Variants in KLC2 observed in about 807,000 individuals in gnomAD.
KLC2 encodes the protein kinesin light chain 2, also known as KLC 2.
Under a neutral mutation model 75.1 loss-of-function variants are expected in KLC2, and 35 were observed. The ratio of observed to expected loss-of-function variants is 0.47; its 90% confidence interval spans 0.36 to 0.62. KLC2 has a LOEUF of 0.62. Ranked by LOEUF, KLC2 falls within the 20% of genes least tolerant of loss-of-function variation. The probability of loss-of-function intolerance (pLI) is 0.00; values close to 1 mark genes in which losing one functional copy is unlikely to be tolerated. For missense variants in KLC2, 611 were observed against 833.2 expected (o/e 0.73, Z 3.28); for synonymous variants, 314 against 336.7 (o/e 0.93, Z 0.74).
upstream of KLC2, among the ~76,000 whole-genome samples, chr11:66,252,925 C>T (rs1174252386): frequency 2.0e-5 from 3 of 152,000 alleles, no homozygotes; most frequent in Non-Finnish European, 1.5e-5. Context: ...GACAAGGGCC[C>T]CTCAGGAAGC....
chr11:66,265,128 G>A, intron 10 of KLC2, 40 bp from the exon 11 acceptor site: 1 of 1,610,576 alleles, frequency 6.2e-7, no homozygotes, highest in Non-Finnish European at 8.5e-7. Context: ...TGTGCAGAGG[G>A]GGGCCTGCTC....
chr11:66,251,854 G>A, the KLC2 span, among the ~76,000 whole-genome samples: 1 of 152,356 alleles, frequency 6.6e-6, no homozygotes, highest in African/African-American at 2.4e-5. Context: ...GATTTGGACA[G>A]GACTTAGTGC....
At chr11:66,254,561 A>C (rs1352365501), upstream of KLC2, among the ~76,000 whole-genome samples, 1 of 150,460 alleles carries the variant, frequency 6.6e-6, no homozygotes, top group African/African-American at 2.4e-5. Context: ...GCTACTCAAG[A>C]GGCTGAGGCG....
chr11:66,264,884 G>T (rs944570862), intron 9 of KLC2, 139 bp from the exon 10 acceptor site: 2 of 719,830 alleles, frequency 2.8e-6, no homozygotes, highest in Non-Finnish European at 4.8e-6. Context: ...AGGGTCAGCA[G>T]TGTTTTGGGT....
chr11:66,255,272 CCT>C (rs1855995028), upstream of KLC2, among the ~76,000 whole-genome samples: 1 of 152,222 alleles, frequency 6.6e-6, no homozygotes, highest in African/African-American at 2.4e-5. Context: ...CTCACTGCAA[CCT>C]CCACCTCCTG....
rs1261523769 is a variant in KLC2 at position 66,266,901 on chromosome 11, G to A, written c.1814G>A (p.Arg605His). The A allele has an allele frequency of 3.7e-6, 6 of 1,613,354 alleles. No individual in the cohort carries two copies. Among genetic ancestry groups the A allele is most frequent in the African/African-American group, 1.3e-5 (1 of 75,016 alleles). The change falls in exon 16 of 16, where the codon CGC (arginine) becomes CAC (histidine). Residue 605 changes from arginine to histidine, a missense_variant. Coordinates refer to ENST00000394067, the MANE Select transcript of KLC2 (RefSeq NM_001318734.2). ...QPGGTGLSDS[R>H]TLSSSSMDLS... Reference sequence around the variant, plus strand: ...GGAGGCACAGGTCTCTCTGACAGCCGCACTCTCAGCTCCAGCTCCATGGAC... The same window carrying A: ...GGAGGCACAGGTCTCTCTGACAGCCACACTCTCAGCTCCAGCTCCATGGAC...
At chr11:66,245,694 G>T in the KLC2 span, among the ~76,000 whole-genome samples, 1 of 149,206 alleles carries the variant, frequency 6.7e-6, no homozygotes, top group African/African-American at 2.5e-5. Flanking sequence ...CCAGCCTGGC[G>T]ACACAGCGAG....
Position 66,261,750 on chromosome 11 carries a change from G to A in KLC2, c.237G>A (p.Leu79=). 6.2e-7 allele frequency: 1 copy of A among 1,610,260 alleles called. No individual in the cohort carries two copies. The highest frequency in any genetic ancestry group is 8.5e-7 in the Non-Finnish European group (1 of 1,178,348). The part of the protein sequence containing the change: ...ELGLGEAQVI[L]ALSSHLGAVE... ...CTGGGCTGGTTGCACAGGTGATCTT[G>A]GCATTGTCGAGCCACCTGGGGGCTG... The change falls in exon 3 of 16, where the codon TTG becomes TTA. Residue 79 remains leucine, a synonymous_variant. Transcript: ENST00000394067.
intron 1 of KLC2, 111 bp from the exon 2 acceptor site, chr11:66,258,473 G>A: frequency 1.4e-6 from 1 of 701,046 alleles, no homozygotes; most frequent in Non-Finnish European, 2.4e-6. Context: ...TGGGGGACCT[G>A]GGCACACGGG....
Position 66,263,678 on chromosome 11 carries a change from G to T in KLC2, c.771G>T (p.Lys257Asn), listed in dbSNP as rs777576861. The change falls in exon 6 of 16, where the codon AAG becomes AAT. Residue 257 changes from lysine to asparagine, a missense_variant. By Grantham distance (94) the Lys-to-Asn change is moderately conservative. Transcript: ENST00000394067. ...ALVYRDQNKY[K>N]EAAHLLNDAL... The stretch of plus-strand genomic sequence containing the variant: ...CTCCCAGGGATCAGAACAAGTACAA[G>T]GAGGCTGCCCACCTGCTCAATGATG... The T allele has an allele frequency of 1.2e-6, 2 of 1,613,860 alleles. No homozygotes were observed. The highest frequency in any genetic ancestry group is 3.3e-5 in the Admixed American group (2 of 60,020).
intron 2 of KLC2, 86 bp downstream of exon 2, chr11:66,258,908 G>C: frequency 1.1e-6 from 1 of 908,062 alleles, no homozygotes; most frequent in Non-Finnish European, 1.7e-6. Context: ...AGAAGAATCT[G>C]AGCAGGGAAC....
chr11:66,267,203 G>A lies in KLC2; in HGVS notation c.*247G>A. 6.5e-7 allele frequency: 1 copy of A among 1,549,100 alleles called. No homozygotes were observed. Among genetic ancestry groups the A allele is most frequent in the African/African-American group, 1.4e-5 (1 of 73,106 alleles). ...CTCTTCCCTAGGTTCGGGCCAGCAG[G>A]AGGTGCCGGCTGGAGTCTCCACCAT... On this transcript the variant is annotated 3_prime_UTR_variant, in exon 16 of 16. Coordinates refer to ENST00000394067, the MANE Select transcript of KLC2 (RefSeq NM_001318734.2).
In KLC2 at chr11:66,261,878, G is replaced by A. The variant is rs571985017; in HGVS notation, c.365G>A (p.Arg122His). Residue 122 changes from arginine to histidine, a missense_variant, in exon 3 of 16, where the codon CGC (arginine) becomes CAC (histidine). Coordinates refer to ENST00000394067, the MANE Select transcript of KLC2 (RefSeq NM_001318734.2). ...ELAGTQQKLQ[R>H]SEQAVAQLEE... is the part of the protein sequence containing the mutation. ...GCGGGGACACAGCAGAAGCTGCAGCGCAGTGAGCAGGCCGTGGCCCAGCTC... is the reference window on the plus strand; with the variant it reads ...GCGGGGACACAGCAGAAGCTGCAGCACAGTGAGCAGGCCGTGGCCCAGCTC... 1.5e-5 allele frequency: 24 copies of A among 1,614,158 alleles called. No homozygotes were observed. In the Admixed American group the frequency reaches 2.7e-4, roughly 18 times the overall value.
the KLC2 span, among the ~76,000 whole-genome samples, chr11:66,245,927 G>A: frequency 3.9e-5 from 6 of 152,194 alleles, no homozygotes; most frequent in South Asian, 2.1e-4. Context: ...GAGAGGCAGC[G>A]CTTGGCATCC....
chr11:66,266,385 C>T, intron 14 of KLC2, 48 bp from the exon 15 acceptor site: 1 of 1,493,422 alleles, frequency 6.7e-7, no homozygotes, highest in African/African-American at 1.4e-5. Flanking sequence ...GCCCCCATCT[C>T]CCGTGAGTTC....
chr11:66,261,495 G>C (rs534085302), intron 2 of KLC2: 1 of 482,594 alleles, frequency 2.1e-6, no homozygotes, highest in South Asian at 3.4e-5. Context: ...AGCCCTTTTG[G>C]GGTTCTCCTG....
upstream of KLC2, among the ~76,000 whole-genome samples, chr11:66,252,573 ATT>A (rs1855973397): frequency 6.6e-6 from 1 of 152,152 alleles, no homozygotes; most frequent in Non-Finnish European, 1.5e-5. Flanking sequence ...CCTTTATGCC[ATT>A]TTATTGCATT....
At position 66,265,086 on chromosome 11, in the gene KLC2, G is replaced by A. The variant is rs764352601; in HGVS notation, c.1266+14G>A. 30 of 1,609,760 alleles carry A rather than the reference G, an allele frequency of 1.9e-5. No individual in the cohort carries two copies. Among genetic ancestry groups the A allele is most frequent in the Non-Finnish European group, 2.4e-5 (28 of 1,176,616 alleles). On this transcript the variant is annotated intron_variant, in intron 10 of 15. Transcript: ENST00000394067. ...GAGGAAAGCAAGGTAGCTCTGTGGG[G>A]CAGGCTGGGCGGTTGTCAGGGGAGG... is the stretch of plus-strand genomic sequence containing the variant.
At chr11:66,257,582 G>A (rs1484226084), upstream of KLC2, 1 of 152,178 alleles carries the variant, frequency 6.6e-6, no homozygotes, top group Non-Finnish European at 1.5e-5. Flanking sequence ...GCGGGCCCTG[G>A]GAACTGCGCC....
Sources: gnomAD v4.1 joint callset for allele counts (sites outside exome capture counted in the v4.1 genomes callset) on GRCh38, gnomAD v4.1.1 for gene constraint, MANE v1.5 for transcripts, NCBI Gene and HGNC (gene_info 2026-07-23, HGNC 2026-07-21) for gene names.